SMAD6: variants seen among roughly 807,000 people sequenced by gnomAD.
SMAD6 encodes SMAD family member 6.
In SMAD6, 103 loss-of-function variants were observed where a neutral mutation model predicts 39.4. The ratio of observed to expected loss-of-function variants is 2.62; its 90% CI spans 2.23 to 3.08. The LOEUF is 3.08. Ranked by LOEUF, SMAD6 falls within the 30% of genes most tolerant of loss-of-function variation. The pLI is 0.00. For synonymous variants in SMAD6, 445 were observed against 353.3 expected, an observed-to-expected ratio of 1.26 and a Z score of -2.91; for missense variants, 1,104 against 742.9, an observed-to-expected ratio of 1.49 and a Z score of -5.65.
At chr15:66,739,296 G>C (rs1339615212) in intron 3 of SMAD6, among the ~76,000 whole-genome samples, 1 of 152,008 alleles carries the variant, frequency 6.6e-6, no homozygotes, top group Non-Finnish European at 1.5e-5. Flanking sequence ...TTACCATGTT[G>C]GCCAGGCTGA....
chr15:66,723,948 G>A (rs1273283921), intron 3 of SMAD6, among the ~76,000 whole-genome samples: 2 of 152,246 alleles, frequency 1.3e-5, no homozygotes, highest in Non-Finnish European at 2.9e-5. Flanking sequence ...CACAGAGAAG[G>A]TGATTCTGAG....
At chr15:66,710,002 G>A (rs536367818) in intron 1 of SMAD6, among the ~76,000 whole-genome samples, 33 of 152,330 alleles carry the variant, frequency 2.2e-4, no homozygotes, top group African/African-American at 7.0e-4. Context: ...CGCGTTCTGT[G>A]CAGGTGGTGT....
Position 66,781,082 on chromosome 15 carries a change from C to A in SMAD6, c.1038C>A (p.Leu346=), listed in dbSNP as rs758379176. ...AGCACCGGACGCGCGTGGGCCGCCT[C>A]TATGCGGTGTACGACCAGGCCGTCA... is the stretch of plus-strand genomic sequence containing the variant. ...YWEHRTRVGR[L]YAVYDQAVSI... Residue 346 remains leucine (L), a synonymous_variant, in exon 4 of 4, where the codon CTC becomes CTA. Transcript: ENST00000288840. 4 of 1,607,344 alleles carry A rather than the reference C, an allele frequency of 2.5e-6. No individual in the cohort carries two copies. The African/African-American group carries it at 4.0e-5, about 16-fold the overall frequency.
chr15:66,766,676 C>T (rs1894293865), intron 3 of SMAD6, among the ~76,000 whole-genome samples: 1 of 152,124 alleles, frequency 6.6e-6, no homozygotes, highest in African/African-American at 2.4e-5. Context: ...TAGACCCCAG[C>T]AAGGCTTCTG....
intron 3 of SMAD6, among the ~76,000 whole-genome samples, chr15:66,720,907 A>G (rs1893420695): frequency 6.6e-6 from 1 of 152,130 alleles, no homozygotes; most frequent in African/African-American, 2.4e-5. Flanking sequence ...TCCTCACAGC[A>G]TGTGGGTTTC....
intron 3 of SMAD6, among the ~76,000 whole-genome samples, chr15:66,721,279 G>A (rs550973606): frequency 1.8e-4 from 27 of 152,286 alleles, no homozygotes; most frequent in South Asian, 1.2e-3. Context: ...TCCGGGGTCC[G>A]TTGGGGTTGG....
intron 2 of SMAD6, among the ~76,000 whole-genome samples, chr15:66,713,470 C>G (rs961736385): frequency 6.6e-6 from 1 of 152,218 alleles, no homozygotes; most frequent in Non-Finnish European, 1.5e-5. Context: ...CAGGCACGCG[C>G]CACCACGCCT....
intron 3 of SMAD6, among the ~76,000 whole-genome samples, chr15:66,743,706 T>C (rs1893856224): frequency 6.6e-6 from 1 of 152,162 alleles, no homozygotes; most frequent in Non-Finnish European, 1.5e-5. Context: ...CTTCTTAAAA[T>C]TATTTGGATG....
At chr15:66,710,593 G>GTTATTACCACT (rs139949777) in intron 1 of SMAD6, among the ~76,000 whole-genome samples, 3,583 of 152,148 alleles carry the variant, frequency 0.024, 99 homozygotes, top group East Asian at 0.077. Flanking sequence ...CTTAATAATA[G>GTTATTACCACT]TTATTACCAC....
intron 3 of SMAD6, among the ~76,000 whole-genome samples, chr15:66,743,277 C>T (rs1459965980): frequency 1.3e-5 from 2 of 152,028 alleles, no homozygotes; most frequent in Non-Finnish European, 2.9e-5. Flanking sequence ...TCCCAGGGCA[C>T]CCCCCAATAA....
intron 3 of SMAD6, 148 bp from the exon 4 acceptor site, chr15:66,780,849 A>T: frequency 1.4e-6 from 1 of 700,762 alleles, no homozygotes; most frequent in South Asian, 1.9e-5. Flanking sequence ...TCCTGAGGAC[A>T]ACCTGGCACA....
chr15:66,763,664 G>A (rs143847089), intron 3 of SMAD6, among the ~76,000 whole-genome samples: 298 of 152,352 alleles, frequency 2.0e-3, no homozygotes, highest in African/African-American at 6.9e-3. Flanking sequence ...CCTCTCCAGG[G>A]TTGAAAATGC....
At chr15:66,729,317 C>T (rs1893581268) in intron 3 of SMAD6, among the ~76,000 whole-genome samples, 1 of 152,170 alleles carries the variant, frequency 6.6e-6, no homozygotes, top group Non-Finnish European at 1.5e-5. Context: ...GGGCAGTGCA[C>T]TCTGGGAAAA....
chr15:66,709,797 G>A (rs894286477), intron 1 of SMAD6, among the ~76,000 whole-genome samples: 5 of 152,142 alleles, frequency 3.3e-5, no homozygotes, highest in African/African-American at 1.2e-4. Flanking sequence ...GGAAACACTG[G>A]CCTCAATTCT....
intron 3 of SMAD6, among the ~76,000 whole-genome samples, chr15:66,754,732 T>C (rs1256693871): frequency 6.6e-6 from 1 of 152,104 alleles, no homozygotes. Flanking sequence ...TAATCCCCAT[T>C]TTACAGATGG....
chr15:66,743,773 A>G (rs750222561), intron 3 of SMAD6, among the ~76,000 whole-genome samples: 2 of 152,158 alleles, frequency 1.3e-5, no homozygotes, highest in East Asian at 1.9e-4. Context: ...AATGGTCTCT[A>G]TGCAGCCAAA....
At chr15:66,715,708 C>T (rs1302776521) in intron 2 of SMAD6, among the ~76,000 whole-genome samples, 1 of 150,834 alleles carries the variant, frequency 6.6e-6, no homozygotes, top group Non-Finnish European at 1.5e-5. Flanking sequence ...TCTCATCTAA[C>T]TGCTCGGCAG....
At chr15:66,776,021 C>T (rs891890038) in intron 3 of SMAD6, among the ~76,000 whole-genome samples, 5 of 152,174 alleles carry the variant, frequency 3.3e-5, no homozygotes, top group Non-Finnish European at 5.9e-5. Context: ...TTGGACACAC[C>T]GCATGAAATC....
At chr15:66,717,401 A>T (rs749540410) in intron 3 of SMAD6, 2 of 456,106 alleles carry the variant, frequency 4.4e-6, no homozygotes, top group Non-Finnish European at 8.8e-6. Flanking sequence ...CCGGCACTCC[A>T]CTTGGCCGCT....
Sources: allele counts gnomAD v4.1 joint callset (sites outside exome capture counted in the v4.1 genomes callset), GRCh38; gene constraint gnomAD v4.1.1; transcripts MANE v1.5; gene names NCBI Gene and HGNC (gene_info 2026-07-23, HGNC 2026-07-21).